Variants in MPHOSPH9 observed in about 807,000 individuals in gnomAD.
MPHOSPH9 encodes the protein M-phase phosphoprotein 9.
MPHOSPH9 carries 88 observed loss-of-function variants against 145.5 expected under a neutral mutation model. The ratio of observed to expected loss-of-function variants is 0.60; its 90% CI spans 0.51 to 0.72. The LOEUF is 0.72. Among genes scored for constraint, MPHOSPH9 ranks in the 30% least tolerant of loss-of-function variants. The probability of loss-of-function intolerance (pLI) is 0.00; values close to 1 mark genes in which losing one functional copy is unlikely to be tolerated. For synonymous variants in MPHOSPH9, 435 were observed against 486.2 expected, an observed-to-expected ratio of 0.89 and a Z score of 1.39; for missense variants, 1,238 against 1,386.6, an observed-to-expected ratio of 0.89 and a Z score of 1.70.
At chr12:123,160,986 A>T (rs1565894227) in intron 22 of MPHOSPH9, 137 bp from the exon 23 acceptor site, 3 of 1,325,498 alleles carry the variant, frequency 2.3e-6, no homozygotes, top group Non-Finnish European at 2.1e-6. Flanking sequence ...ATTAGTAACG[A>T]CCACATGGCT....
chr12:123,152,770 G>T, downstream of MPHOSPH9: 1 of 333,120 alleles, frequency 3.0e-6, no homozygotes. Flanking sequence ...CAATATAGTG[G>T]ATTTAATCAA....
At chr12:123,226,388 A>G (rs1453755868) in intron 3 of MPHOSPH9, 4 of 971,110 alleles carry the variant, frequency 4.1e-6, no homozygotes, top group African/African-American at 3.4e-5. Context: ...TAAAAGTACA[A>G]TTAACGTTTA....
At chr12:123,195,622 A>G (rs908295959) in intron 12 of MPHOSPH9, among the ~76,000 whole-genome samples, 4 of 152,084 alleles carry the variant, frequency 2.6e-5, no homozygotes, top group Non-Finnish European at 5.9e-5. Flanking sequence ...TTAAAAACCC[A>G]TCTGATATGT....
chr12:123,221,012 G>A (rs1790103), intron 5 of MPHOSPH9, among the ~76,000 whole-genome samples: 22,637 of 152,096 alleles, frequency 0.15, 5,074 homozygotes, highest in African/African-American at 0.49. Context: ...CCGAGATTGC[G>A]CCACTGCACT....
In MPHOSPH9 at chr12:123,165,324, T is replaced by G; in HGVS notation, c.2745A>C (p.Thr915=). ...GKIFKNWGTQ[T]EKEDTSNINP... The stretch of plus-strand genomic sequence containing the variant: ...CACTATTTGAGGTGTCCTCTTTCTC[T>G]GTCTGTGTCCCCCAATTTTTAAATA... Residue 915 remains threonine, a synonymous_variant, in exon 18 of 24, where the codon ACA becomes ACC. Coordinates refer to ENST00000606320, the MANE Select transcript of MPHOSPH9 (RefSeq NM_022782.4). 5.6e-6 allele frequency: 9 copies of G among 1,613,786 alleles called. No homozygotes were observed. Among genetic ancestry groups the G allele is most frequent in the Non-Finnish European group, 7.6e-6 (9 of 1,179,814 alleles).
intron 23 of MPHOSPH9, among the ~76,000 whole-genome samples, chr12:123,157,990 T>TA (rs199656887): frequency 2.0e-4 from 31 of 151,984 alleles, no homozygotes; most frequent in African/African-American, 7.5e-4. Flanking sequence ...TATTTTATTT[T>TA]TTTTTTTTTG....
chr12:123,212,469 C>A (rs1263153467), intron 7 of MPHOSPH9, among the ~76,000 whole-genome samples: 1 of 151,676 alleles, frequency 6.6e-6, no homozygotes, highest in African/African-American at 2.4e-5. Context: ...GCGGGCAGAT[C>A]ACCTGAGGTG....
chr12:123,184,568 A>G (rs1229837655), intron 13 of MPHOSPH9, among the ~76,000 whole-genome samples: 5 of 150,000 alleles, frequency 3.3e-5, no homozygotes, highest in Admixed American at 2.7e-4. Context: ...CGTGATCTCT[A>G]CTCACTGCAA....
At chr12:123,236,590 C>G (rs1408816498), upstream of MPHOSPH9, among the ~76,000 whole-genome samples, 1 of 143,920 alleles carries the variant, frequency 6.9e-6, no homozygotes, top group Non-Finnish European at 1.5e-5. Flanking sequence ...GAGACCCTGT[C>G]TCAAAAAAAA....
At chr12:123,163,329 T>C in intron 19 of MPHOSPH9, 195 bp from the exon 20 acceptor site, 1 of 548,422 alleles carries the variant, frequency 1.8e-6, no homozygotes, top group Non-Finnish European at 3.0e-6. Context: ...TGTAACACTG[T>C]AGTATATCAG....
Position 123,202,934 on chromosome 12 carries a change from CTA to C in MPHOSPH9, c.1469_1470del (p.Ile490ArgfsTer8). On this transcript the variant is annotated frameshift_variant, in exon 10 of 24. Coordinates refer to ENST00000606320, the MANE Select transcript of MPHOSPH9 (RefSeq NM_022782.4). LOFTEE classifies it high-confidence loss of function. ...LEPSMSSPSD[I>X]DSFSQASNVT... is the part of the protein sequence containing the mutation. ...ACATTACTTGCTTGTGAAAATGAGT[CTA>C]TGTCAGAGGGACTAGACATACTAGG... 1 of 1,614,098 alleles carries C rather than the reference CTA, an allele frequency of 6.2e-7. No individual in the cohort carries two copies. The highest frequency in any genetic ancestry group is 8.5e-7 in the Non-Finnish European group (1 of 1,180,014).
At chr12:123,194,755 C>T (rs975470905) in intron 12 of MPHOSPH9, among the ~76,000 whole-genome samples, 154 bp from the exon 13 acceptor site, 1 of 151,328 alleles carries the variant, frequency 6.6e-6, no homozygotes, top group Non-Finnish European at 1.5e-5. Flanking sequence ...CCGAGAGCTG[C>T]GATTACAGGC....
chr12:123,189,361 A>T (rs949832946), intron 13 of MPHOSPH9, among the ~76,000 whole-genome samples: 7 of 152,184 alleles, frequency 4.6e-5, no homozygotes, highest in African/African-American at 1.7e-4. Flanking sequence ...CACGAACAGA[A>T]TATGTCAAGA....
chr12:123,167,066 C>T (rs1006107111), intron 16 of MPHOSPH9, among the ~76,000 whole-genome samples: 4 of 152,128 alleles, frequency 2.6e-5, no homozygotes, highest in African/African-American at 9.7e-5. Context: ...CATTTCACAC[C>T]CTTTACACTC....
At position 123,162,175 on chromosome 12, in the gene MPHOSPH9, T is replaced by C. The variant is rs754725674; in HGVS notation, c.3073A>G (p.Thr1025Ala). Residue 1025 changes from threonine (T) to alanine (A), a missense_variant, in exon 21 of 24, where the codon ACA (threonine) becomes GCA (alanine). Thr to Ala is a moderately conservative substitution (Grantham distance 58, BLOSUM62 0). Coordinates refer to ENST00000606320, the MANE Select transcript of MPHOSPH9 (RefSeq NM_022782.4). ...LDDLDTVPVS[T>A]LQRTNPRKQL... ...TTTCTTGGATTGGTACGTTGTAATG[T>C]AGACACAGGAACAGTATCTAAATCA... 5 of 1,588,780 alleles carry C rather than the reference T, an allele frequency of 3.1e-6. No homozygotes were observed. The highest frequency in any genetic ancestry group is 4.3e-6 in the Non-Finnish European group (5 of 1,165,758).
In MPHOSPH9 at chr12:123,202,736, T is replaced by C. The variant is rs1219471247; in HGVS notation, c.1669A>G (p.Thr557Ala). ...ACTGAGGCCGAAGCAACCATGACAGTGTTTTCTTCATCTACAGTGTTGACC... is the reference window on the plus strand; with the variant it reads ...ACTGAGGCCGAAGCAACCATGACAGCGTTTTCTTCATCTACAGTGTTGACC... ...ISVNTVDEEN[T>A]VMVASASVSQ... Residue 557 changes from threonine to alanine, a missense_variant, in exon 10 of 24, where the codon ACT becomes GCT. By Grantham distance (58) the Thr-to-Ala change is moderately conservative (BLOSUM62 0). Transcript: ENST00000606320. 2 of 1,614,168 alleles carry C rather than the reference T, an allele frequency of 1.2e-6. No homozygotes were observed. The highest frequency in any genetic ancestry group is 2.2e-5 in the East Asian group (1 of 44,890).
At chr12:123,157,981 A>AT (rs2043943245) in intron 23 of MPHOSPH9, among the ~76,000 whole-genome samples, 1 of 151,338 alleles carries the variant, frequency 6.6e-6, no homozygotes, top group African/African-American at 2.4e-5. Context: ...TACCACTTTT[A>AT]TTTTATTTTT....
chr12:123,205,573 T>A (rs1446570536), intron 8 of MPHOSPH9, among the ~76,000 whole-genome samples: 1 of 151,850 alleles, frequency 6.6e-6, no homozygotes, highest in Non-Finnish European at 1.5e-5. Context: ...ACAATTCCCA[T>A]AATCCTGCTG....
intron 8 of MPHOSPH9, among the ~76,000 whole-genome samples, chr12:123,204,650 G>A (rs771002197): frequency 2.0e-5 from 3 of 152,262 alleles, no homozygotes; most frequent in South Asian, 2.1e-4. Context: ...CAAGGCAGGC[G>A]GATCGCCTGA....
Sources: allele counts gnomAD v4.1 joint callset (sites outside exome capture counted in the v4.1 genomes callset), GRCh38; gene constraint gnomAD v4.1.1; transcripts MANE v1.5; gene names NCBI Gene and HGNC (gene_info 2026-07-23, HGNC 2026-07-21).